The following B3GALNT2 variants were observed in gnomAD, a reference collection of about 807,000 sequenced individuals.
B3GALNT2 encodes UDP-GalNAc:beta-1,3-N-acetylgalactosaminyltransferase 2.
A neutral mutation model predicts 61.1 loss-of-function variants in B3GALNT2; 53 were observed. The observed-to-expected ratio is 0.87, with a 90% confidence interval of 0.70 to 1.09. The LOEUF is 1.09. Among genes scored for constraint, B3GALNT2 ranks in the 50% least tolerant of loss-of-function variants. The pLI, the probability that B3GALNT2 is intolerant of heterozygous loss-of-function variation, is 0.00. For synonymous variants in B3GALNT2, 223 were observed against 237.4 expected (o/e 0.94, Z 0.56); for missense variants, 544 against 623.0 (o/e 0.87, Z 1.35).
Position 235,480,905 on chromosome 1 carries a change from C to CAAAAAA in B3GALNT2, c.556-762_556-757dup, listed in dbSNP as rs55666590. Among the ~76,000 whole-genome samples the CAAAAAA allele has an allele frequency of 1.3e-3, 40 of 31,170 alleles. 3 individuals are homozygous for CAAAAAA. Among genetic ancestry groups the CAAAAAA allele is most frequent in the South Asian group, 4.4e-3 (2 of 452 alleles). The allele number at this position is 31,170 out of a possible 152,430, so 20.4% of individuals were successfully genotyped here. On this transcript the variant is annotated intron_variant, in intron 4 of 11. Coordinates refer to ENST00000366600, the MANE Select transcript of B3GALNT2 (RefSeq NM_152490.5). ...TGGACCGCAGAGCCAGACTCTGTCTCAAAAAAAAAAAAAAAAAAAAAAAAA... is the reference window on the plus strand; with the variant it reads ...TGGACCGCAGAGCCAGACTCTGTCTCAAAAAAAAAAAAAAAAAAAAAAAAAAAAAAA...
intron 6 of B3GALNT2, among the ~76,000 whole-genome samples, chr1:235,467,833 G>T (rs940399486): frequency 4.0e-5 from 6 of 151,356 alleles, no homozygotes; most frequent in Admixed American, 3.3e-4. Context: ...AGGCTGGAGT[G>T]CAATGGCGTG....
At chr1:235,442,248 G>A (rs55707323), downstream of B3GALNT2, among the ~76,000 whole-genome samples, 6,021 of 152,152 alleles carry the variant, frequency 0.04, 244 homozygotes, top group African/African-American at 0.1. Flanking sequence ...TTGGCTCACC[G>A]CAACCTCCGC....
At chr1:235,468,656 T>C (rs1299499708) in intron 6 of B3GALNT2, among the ~76,000 whole-genome samples, 1 of 152,038 alleles carries the variant, frequency 6.6e-6, no homozygotes, top group East Asian at 1.9e-4. Context: ...TTTCACCATG[T>C]TGGCCAGGCT....
chr1:235,494,741 C>A lies in B3GALNT2; in HGVS notation c.200G>T (p.Arg67Leu), dbSNP rs757049686. Residue 67 changes from arginine (R) to leucine (L), a missense_variant, in exon 2 of 12, where the codon CGA (arginine) becomes CTA (leucine). Coordinates refer to ENST00000366600, the MANE Select transcript of B3GALNT2 (RefSeq NM_152490.5). ...VLSARNNHEL[R>L]NVIRSTWMRH... ...CATCCAGGTGCTTCTTATCACGTTT[C>A]GAAGTTCATGGTTATTGCGAGCTGA... 9 of 1,612,902 alleles carry A rather than the reference C, an allele frequency of 5.6e-6. No homozygotes were observed. Among genetic ancestry groups the A allele is most frequent in the Non-Finnish European group, 7.6e-6 (9 of 1,178,980 alleles).
Position 235,450,045 on chromosome 1 carries a change from C to G in B3GALNT2, c.*161G>C. The G allele has an allele frequency of 1.3e-6, 1 of 767,334 alleles. No homozygotes were observed. Among genetic ancestry groups the G allele is most frequent in the South Asian group, 2.7e-5 (1 of 36,496 alleles). 47.5% of individuals were successfully genotyped at this position (767,334 alleles called of 1,614,324 possible). ...AAGTTGATTTTTAAGGAAATTTGTG[C>G]AAACATTAAGAAACACCGCATTGGT... On this transcript the variant is annotated 3_prime_UTR_variant, in exon 12 of 12. Transcript: ENST00000366600.
intron 5 of B3GALNT2, among the ~76,000 whole-genome samples, chr1:235,474,506 G>T (rs1158419515): frequency 6.6e-6 from 1 of 151,936 alleles, no homozygotes; most frequent in Non-Finnish European, 1.5e-5. Flanking sequence ...TATATATAAA[G>T]AATTTCAACC....
chr1:235,456,893 A>T (rs1572487324), intron 8 of B3GALNT2, among the ~76,000 whole-genome samples: 1 of 152,248 alleles, frequency 6.6e-6, no homozygotes, highest in Admixed American at 6.5e-5. Flanking sequence ...CCCCAAATTA[A>T]AAGGAGGTTC....
At chr1:235,442,822 A>C (rs1681985817), downstream of B3GALNT2, 1 of 1,603,324 alleles carries the variant, frequency 6.2e-7, no homozygotes, top group African/African-American at 1.3e-5. Flanking sequence ...AGTAGATATC[A>C]ATTAGTCTTT....
Position 235,463,600 on chromosome 1 carries a change from T to A in B3GALNT2, c.841+2036A>T, listed in dbSNP as rs1213630975. The stretch of plus-strand genomic sequence containing the variant: ...TTTTTTTTTTTTTTGAGACGGAGTC[T>A]TGCTGTCACCCAGGATGAAATGCAG... On this transcript the variant is annotated intron_variant, in intron 7 of 11. Coordinates refer to ENST00000366600, the MANE Select transcript of B3GALNT2 (RefSeq NM_152490.5). The A allele has an allele frequency of 3.4e-5, 5 of 148,610 alleles. No individual in the cohort carries two copies. The Admixed American group carries it at 3.4e-4, about 10-fold the overall frequency. The allele number at this position is 148,610 out of a possible 1,614,324, so 9.2% of individuals were successfully genotyped here.
intron 4 of B3GALNT2, among the ~76,000 whole-genome samples, chr1:235,481,635 C>T (rs555380659): frequency 6.6e-5 from 10 of 152,144 alleles, no homozygotes; most frequent in African/African-American, 1.7e-4. Flanking sequence ...TGAGCCATTG[C>T]GCCTGGCTGA....
chr1:235,474,567 C>T (rs1032910450), intron 5 of B3GALNT2, among the ~76,000 whole-genome samples: 2 of 152,060 alleles, frequency 1.3e-5, no homozygotes, highest in African/African-American at 4.8e-5. Context: ...CACCTGTAAT[C>T]CCAGCACTTT....
chr1:235,491,484 T>C (rs925379458), intron 2 of B3GALNT2, among the ~76,000 whole-genome samples: 1 of 152,256 alleles, frequency 6.6e-6, no homozygotes, highest in Non-Finnish European at 1.5e-5. Context: ...AGTAAACCTT[T>C]ATCAGTACAC....
downstream of B3GALNT2, among the ~76,000 whole-genome samples, chr1:235,442,652 A>G (rs1209189464): frequency 6.6e-6 from 1 of 152,226 alleles, no homozygotes; most frequent in East Asian, 1.9e-4. Context: ...TAAGTGGGGA[A>G]AAGGGAAAGT....
chr1:235,478,622 C>A (rs1435341633), intron 5 of B3GALNT2, among the ~76,000 whole-genome samples: 2 of 152,176 alleles, frequency 1.3e-5, no homozygotes, highest in Non-Finnish European at 2.9e-5. Flanking sequence ...ATATTTACTA[C>A]AGTCTTTTCC....
At chr1:235,479,891 T>C (rs1234676732) in intron 5 of B3GALNT2, 163 bp downstream of exon 5, 1 of 1,252,106 alleles carries the variant, frequency 8.0e-7, no homozygotes, top group African/African-American at 1.5e-5. Context: ...GAGGTTTGAA[T>C]ACAGAGTGCT....
chr1:235,499,213 G>T (rs1451311935), intron 1 of B3GALNT2, among the ~76,000 whole-genome samples: 1 of 152,118 alleles, frequency 6.6e-6, no homozygotes, highest in African/African-American at 2.4e-5. Flanking sequence ...ATAAACAGGC[G>T]ATAGGAACTA....
At chr1:235,475,175 T>C (rs1684215483) in intron 5 of B3GALNT2, among the ~76,000 whole-genome samples, 1 of 150,958 alleles carries the variant, frequency 6.6e-6, no homozygotes, top group Non-Finnish European at 1.5e-5. Flanking sequence ...TTTTTTGTAT[T>C]TTTAGTAGAG....
chr1:235,452,522 AT>A (rs1253331435), intron 11 of B3GALNT2: 1 of 149,268 alleles, frequency 6.7e-6, no homozygotes. Flanking sequence ...AAAATTTGAA[AT>A]CCAAAATGCT....
downstream of B3GALNT2, among the ~76,000 whole-genome samples, chr1:235,445,603 T>C (rs1682202197): frequency 6.6e-6 from 1 of 152,164 alleles, no homozygotes; most frequent in Non-Finnish European, 1.5e-5. Flanking sequence ...GCCACTGCAA[T>C]CTGGCCTGGG....
Sources: allele counts gnomAD v4.1 joint callset (sites outside exome capture counted in the v4.1 genomes callset), GRCh38; gene constraint gnomAD v4.1.1; transcripts MANE v1.5; gene names NCBI Gene and HGNC (gene_info 2026-07-23, HGNC 2026-07-21).